The following FMO1 variants were observed in gnomAD, a reference collection of about 807,000 sequenced individuals.
FMO1 encodes the protein flavin-containing monooxygenase 1.
In FMO1, 36 loss-of-function variants were observed where a neutral mutation model predicts 45.4. The observed-to-expected ratio is 0.79, with a 90% CI of 0.61 to 1.05. The LOEUF is 1.05. Ranked by LOEUF, FMO1 falls within the 50% of genes least tolerant of loss-of-function variation. The probability of loss-of-function intolerance (pLI) is 0.00; values close to 1 mark genes in which losing one functional copy is unlikely to be tolerated. For synonymous variants in FMO1, 228 were observed against 227.2 expected, an observed-to-expected ratio of 1.00 and a Z score of -0.03; for missense variants, 615 against 640.3, an observed-to-expected ratio of 0.96 and a Z score of 0.43.
intron 3 of FMO1, 31 bp from the exon 4 acceptor site, chr1:171,275,315 C>T (rs2101831012): frequency 6.2e-7 from 1 of 1,600,474 alleles, no homozygotes; most frequent in Non-Finnish European, 8.6e-7. Context: ...ACATTGACAA[C>T]TGCTAATCAT....
intron 1 of FMO1, among the ~76,000 whole-genome samples, chr1:171,255,929 T>C (rs1237095531): frequency 6.6e-6 from 1 of 152,196 alleles, no homozygotes; most frequent in Non-Finnish European, 1.5e-5. Context: ...GAATTGTTTT[T>C]CTCATAAAAG....
rs1571337626 is a variant in FMO1, at chr1:171,263,899, A to G, written c.133-3644A>G. Among the ~76,000 whole-genome samples the G allele has an allele frequency of 2.0e-5, 3 of 152,258 alleles. No individual in the cohort carries two copies. The Middle Eastern group carries it at 0.01, about 518-fold the overall frequency. ...TGGAGGTGAGGGGCCAGGTCCCACC[A>G]ATACCATTCAGAAGGGGCAGGGACT... is the stretch of plus-strand genomic sequence containing the variant. On this transcript the variant is annotated intron_variant, in intron 2 of 8. Coordinates refer to ENST00000617670, the MANE Select transcript of FMO1 (RefSeq NM_001282693.2).
chr1:171,250,481 C>G lies in FMO1; in HGVS notation c.-7+1858C>G, dbSNP rs1469460434. 2.6e-5 allele frequency among the ~76,000 whole-genome samples: 4 copies of G among 152,188 alleles called. No individual in the cohort carries two copies. In the East Asian group the frequency reaches 7.7e-4, roughly 29 times the overall value. On this transcript the variant is annotated intron_variant, in intron 1 of 8. Coordinates refer to ENST00000617670, the MANE Select transcript of FMO1 (RefSeq NM_001282693.2). ...TGCAGTTTGGTAATGACAGGCGTCA[C>G]CTCATGTTTTGACCTCTCATGATCT...
Position 171,280,988 on chromosome 1 carries a change from A to G in FMO1, c.827+3A>G. On this transcript the variant is annotated splice_donor_region_variant and intron_variant, in intron 6 of 8. Coordinates refer to ENST00000617670, the MANE Select transcript of FMO1 (RefSeq NM_001282693.2). ...TACGGCTTAATACCAGAAGACAGGT[A>G]AATATAATGTGACTGCCAAGGGCTT... is the stretch of plus-strand genomic sequence containing the variant. 1 of 1,612,900 alleles carries G rather than the reference A, an allele frequency of 6.2e-7. No homozygotes were observed. The highest frequency in any genetic ancestry group is 1.1e-5 in the South Asian group (1 of 91,064).
chr1:171,250,305 G>A (rs1659827555), intron 1 of FMO1, among the ~76,000 whole-genome samples: 1 of 152,112 alleles, frequency 6.6e-6, no homozygotes, highest in Non-Finnish European at 1.5e-5. Flanking sequence ...CAAACACCCA[G>A]CTTTGCAAAG....
At chr1:171,271,623 G>T in intron 3 of FMO1, 1 of 732,980 alleles carries the variant, frequency 1.4e-6, no homozygotes, top group Non-Finnish European at 2.5e-6. Flanking sequence ...GCACAGAGTT[G>T]CCCAGTGCCC....
In FMO1 at chr1:171,267,634, CAGA is replaced by C; in HGVS notation, c.228_230del (p.Glu76del). The C allele has an allele frequency of 1.2e-6, 2 of 1,613,940 alleles. No homozygotes were observed. The highest frequency in any genetic ancestry group is 8.5e-7 in the Non-Finnish European group (1 of 1,179,806). On this transcript the variant is annotated inframe_deletion, in exon 3 of 9. Transcript: ENST00000617670. ...TCTTGTTACTCAGACTTTCCATTCCCAGAAGATTATCCAAACTATGTGCCAAAT... is the reference window on the plus strand; with the variant it reads ...TCTTGTTACTCAGACTTTCCATTCCCAGATTATCCAAACTATGTGCCAAAT...
intron 1 of FMO1, among the ~76,000 whole-genome samples, chr1:171,253,046 GACA>G (rs760126554): frequency 1.3e-5 from 2 of 152,210 alleles, no homozygotes; most frequent in South Asian, 2.1e-4. Flanking sequence ...TCTCACGTTT[GACA>G]ACAACTCATA....
intron 3 of FMO1, 114 bp downstream of exon 3, chr1:171,267,845 G>A: frequency 1.4e-6 from 1 of 699,348 alleles, no homozygotes; most frequent in Non-Finnish European, 2.4e-6. Context: ...CAATATTAAT[G>A]ACACCTGGCT....
At chr1:171,279,754 A>C (rs1457406807) in intron 5 of FMO1, among the ~76,000 whole-genome samples, 1 of 152,228 alleles carries the variant, frequency 6.6e-6, no homozygotes, top group Non-Finnish European at 1.5e-5. Context: ...TTACCTGAAA[A>C]AAATAAATTG....
chr1:171,264,519 C>T (rs1225856129), intron 2 of FMO1, among the ~76,000 whole-genome samples: 1 of 151,926 alleles, frequency 6.6e-6, no homozygotes, highest in East Asian at 1.9e-4. Flanking sequence ...TCTATACATC[C>T]TATTGGGCAT....
intron 3 of FMO1, among the ~76,000 whole-genome samples, chr1:171,273,411 C>A (rs890271761): frequency 6.6e-6 from 1 of 152,162 alleles, no homozygotes; most frequent in Non-Finnish European, 1.5e-5. Flanking sequence ...AAAGCATTAT[C>A]ATAATGAATA....
chr1:171,283,101 CTAAACTTAAGTTGCAT>C, intron 7 of FMO1, 27 bp from the exon 8 acceptor site: 1 of 1,052,330 alleles, frequency 9.5e-7, no homozygotes, highest in Non-Finnish European at 1.5e-6. Flanking sequence ...ACAGCTAGAC[CTAAACTTAAGTTGCAT>C]TTGAGGTTTT....
intron 2 of FMO1, among the ~76,000 whole-genome samples, chr1:171,265,517 CAGTA>C (rs1438845896): frequency 9.9e-5 from 15 of 151,024 alleles, no homozygotes; most frequent in East Asian, 3.9e-4. Flanking sequence ...AAATTAATTT[CAGTA>C]AGTGTCATTA....
intron 3 of FMO1, chr1:171,270,958 TC>T: frequency 7.1e-6 from 6 of 846,504 alleles, no homozygotes; most frequent in Non-Finnish European, 1.2e-5. Context: ...AACTTATTCA[TC>T]ATCTTCTTCA....
chr1:171,274,772 T>C lies in FMO1; in HGVS notation c.322-574T>C, dbSNP rs536268173. 5.3e-5 allele frequency among the ~76,000 whole-genome samples: 8 copies of C among 152,338 alleles called. No homozygotes were observed. The South Asian group carries it at 1.7e-3, about 32-fold the overall frequency. On this transcript the variant is annotated intron_variant, in intron 3 of 8. Transcript: ENST00000617670. ...ATATATTTCCTGAACCAAAGCCTGG[T>C]AATCATGGACATGTATGTACTCACT...
chr1:171,266,325 A>G (rs1298278313), intron 2 of FMO1, among the ~76,000 whole-genome samples: 2 of 152,356 alleles, frequency 1.3e-5, no homozygotes, highest in Non-Finnish European at 2.9e-5. Context: ...TTCTGTATTT[A>G]TCCTGTAACA....
intron 2 of FMO1, among the ~76,000 whole-genome samples, chr1:171,262,779 A>C (rs774361299): frequency 1.3e-5 from 2 of 152,082 alleles, no homozygotes; most frequent in South Asian, 4.1e-4. Context: ...CCCTATCCTC[A>C]TGGAGCTTGC....
intron 1 of FMO1, among the ~76,000 whole-genome samples, chr1:171,256,225 A>G (rs1486200703): frequency 1.4e-5 from 2 of 146,506 alleles, no homozygotes; most frequent in East Asian, 4.0e-4. Flanking sequence ...GTGAGCCGAG[A>G]TCTCACCACT....
Sources: gnomAD v4.1 joint callset for allele counts (sites outside exome capture counted in the v4.1 genomes callset) on GRCh38, gnomAD v4.1.1 for gene constraint, MANE v1.5 for transcripts, NCBI Gene and HGNC (gene_info 2026-07-23, HGNC 2026-07-21) for gene names.